Variants in RNF170 observed in about 807,000 individuals in gnomAD.
RNF170 encodes the protein E3 ubiquitin-protein ligase RNF170.
RNF170 carries 12 observed loss-of-function variants against 32.7 expected under a neutral mutation model. The ratio of observed to expected loss-of-function variants is 0.37; its 90% CI spans 0.24 to 0.60. The LOEUF is 0.60. RNF170 is among the 20% of genes least tolerant of loss of function. The probability of loss-of-function intolerance (pLI) is 0.72; values close to 1 mark genes in which losing one functional copy is unlikely to be tolerated. For synonymous variants in RNF170, 91 were observed against 103.6 expected (o/e 0.88, Z 0.74); for missense variants, 212 against 311.2 (o/e 0.68, Z 2.40).
chr8:42,852,320 C>T (rs1017442504), downstream of RNF170, among the ~76,000 whole-genome samples: 1 of 152,296 alleles, frequency 6.6e-6, no homozygotes, highest in African/African-American at 2.4e-5. Flanking sequence ...GAAATATATA[C>T]TTTTATTACC....
chr8:42,894,936 G>A (rs915526304), intron 1 of RNF170, among the ~76,000 whole-genome samples: 1 of 151,656 alleles, frequency 6.6e-6, no homozygotes, highest in African/African-American at 2.4e-5. Flanking sequence ...AATACTTCAG[G>A]TAAGTTTTTT....
rs940058077 is a variant in RNF170 at position 42,862,007 on chromosome 8, C to G, written c.397-152G>C. 1.4e-5 allele frequency: 11 copies of G among 763,332 alleles called. No individual in the cohort carries two copies. The African/African-American group carries it at 1.8e-4, about 12-fold the overall frequency. The allele number at this position is 763,332 out of a possible 1,614,324, so 47.3% of individuals were successfully genotyped here. A position where few individuals can be genotyped will look rare whatever the true frequency, so the allele number is the denominator to read the frequency against. ...CAACCTGGGGGAGGGGAGTAAGTAACTGCTTTGCAATAAAATCCAATGCAA... is the reference window on the plus strand; with the variant it reads ...CAACCTGGGGGAGGGGAGTAAGTAAGTGCTTTGCAATAAAATCCAATGCAA... On this transcript the variant is annotated intron_variant, in intron 5 of 6. Transcript: ENST00000527424.
intron 4 of RNF170, among the ~76,000 whole-genome samples, chr8:42,867,471 CAA>C (rs34272095): frequency 0.031 from 1,121 of 35,746 alleles, 20 homozygotes; most frequent in African/African-American, 0.12. Flanking sequence ...AACTCCGTCT[CAA>C]AAAAAAAAAA....
intron 1 of RNF170, 137 bp from the exon 2 acceptor site, chr8:42,888,008 G>A (rs1805967234): frequency 2.7e-6 from 2 of 739,148 alleles, no homozygotes; most frequent in East Asian, 2.7e-5. Context: ...AACTCCAGTG[G>A]GGACTGATGG....
intron 2 of RNF170, chr8:42,881,484 T>C (rs187800107): frequency 1.3e-5 from 2 of 152,214 alleles, no homozygotes; most frequent in Admixed American, 6.5e-5. Flanking sequence ...AGCAAAGACA[T>C]GGAATCAACC....
At chr8:42,884,214 G>T (rs1010426692) in intron 2 of RNF170, among the ~76,000 whole-genome samples, 3 of 151,842 alleles carry the variant, frequency 2.0e-5, no homozygotes, top group African/African-American at 7.3e-5. Flanking sequence ...CGAGTAGCTA[G>T]CTGGGGTTAT....
downstream of RNF170, chr8:42,850,453 A>G: frequency 3.0e-6 from 1 of 335,060 alleles, no homozygotes; most frequent in Non-Finnish European, 5.8e-6. Context: ...GGCAGCCATG[A>G]CTGAGTAAGA....
intron 6 of RNF170, among the ~76,000 whole-genome samples, chr8:42,861,112 T>C (rs539349794): frequency 1.6e-4 from 25 of 152,352 alleles, no homozygotes; most frequent in African/African-American, 5.8e-4. Flanking sequence ...TTGTAACTTT[T>C]CTCAAAAGAC....
Position 42,887,762 on chromosome 8 carries a change from C to T in RNF170, c.103G>A (p.Ala35Thr), listed in dbSNP as rs761271729. ...QVLVAVVVSF[A>T]LIATLVYALF... ...GCATATACCAGGGTAGCAATCAAAG[C>T]GAAACTGACCACAACTGCCACAAGT... Residue 35 changes from alanine (A) to threonine (T), a missense_variant, in exon 2 of 7, where the codon GCT becomes ACT. Ala to Thr is a moderately conservative substitution (Grantham distance 58). Transcript: ENST00000527424. The T allele has an allele frequency of 2.5e-5, 40 of 1,613,960 alleles. No homozygotes were observed. The highest frequency in any genetic ancestry group is 1.6e-4 in the Middle Eastern group (1 of 6,084).
intron 1 of RNF170, among the ~76,000 whole-genome samples, chr8:42,892,674 G>GTTTTTTTTTTTTTTTT (rs559187435): frequency 7.6e-6 from 1 of 130,892 alleles, no homozygotes; most frequent in Non-Finnish European, 1.7e-5. Context: ...CTGTTGCAGC[G>GTTTTTTTTTTTTTTTT]TTTTTTTTTT....
chr8:42,894,658 G>A (rs1003274127), intron 1 of RNF170, among the ~76,000 whole-genome samples: 9 of 151,994 alleles, frequency 5.9e-5, no homozygotes, highest in Admixed American at 2.6e-4. Flanking sequence ...TCAGCCTCCC[G>A]CGTTCAAGCG....
At position 42,891,573 on chromosome 8, in the gene RNF170, T is replaced by C. The variant is rs144838646; in HGVS notation, c.-7-3702A>G. 3.9e-5 allele frequency among the ~76,000 whole-genome samples: 6 copies of C among 152,312 alleles called. No individual in the cohort carries two copies. The East Asian group carries it at 7.7e-4, about 20-fold the overall frequency. ...GTACATTAAGCCTTACATTAAGATA[T>C]TAAAATTCTGTTAAATGTCCCTAAA... is the stretch of plus-strand genomic sequence containing the variant. On this transcript the variant is annotated intron_variant, in intron 1 of 6. Transcript: ENST00000527424.
intron 6 of RNF170, among the ~76,000 whole-genome samples, chr8:42,859,081 G>C (rs1803460434): frequency 6.6e-6 from 1 of 152,188 alleles, no homozygotes; most frequent in Non-Finnish European, 1.5e-5. Context: ...CTACTTGGGA[G>C]GCTGAGGTGG....
intron 2 of RNF170, among the ~76,000 whole-genome samples, chr8:42,884,537 T>A (rs965992842): frequency 3.9e-5 from 6 of 152,162 alleles, no homozygotes; most frequent in African/African-American, 1.4e-4. Flanking sequence ...ATGATTTGTT[T>A]CCACAGCTTT....
At chr8:42,873,839 T>C (rs1389928391) in intron 3 of RNF170, 92 bp downstream of exon 3, 4 of 790,666 alleles carry the variant, frequency 5.1e-6, no homozygotes, top group Non-Finnish European at 8.9e-6. Context: ...GAAGCCCATG[T>C]TTCCAAAAAG....
At chr8:42,874,287 G>T (rs1804743112) in intron 2 of RNF170, among the ~76,000 whole-genome samples, 1 of 152,186 alleles carries the variant, frequency 6.6e-6, no homozygotes, top group Admixed American at 6.5e-5. Flanking sequence ...GTAATGTAAA[G>T]AACATTTGTT....
intron 6 of RNF170, chr8:42,861,486 A>G: frequency 2.4e-6 from 1 of 410,290 alleles, no homozygotes; most frequent in Admixed American, 3.8e-5. Flanking sequence ...GACTACAGGC[A>G]TGTGCCAACA....
At chr8:42,870,156 G>A in intron 3 of RNF170, 44 bp from the exon 4 acceptor site, 1 of 1,301,650 alleles carries the variant, frequency 7.7e-7, no homozygotes, top group Non-Finnish European at 1.1e-6. Flanking sequence ...AACACATGTG[G>A]CCCTCAACAG....
downstream of RNF170, chr8:42,851,012 C>A: frequency 6.4e-7 from 1 of 1,550,414 alleles, no homozygotes; most frequent in South Asian, 1.2e-5. Context: ...ACACGGTAGT[C>A]AGAATGACCT....
Sources: gnomAD v4.1 joint callset for allele counts (sites outside exome capture counted in the v4.1 genomes callset) on GRCh38, gnomAD v4.1.1 for gene constraint, MANE v1.5 for transcripts, NCBI Gene and HGNC (gene_info 2026-07-23, HGNC 2026-07-21) for gene names.